TMEM164: variants seen among roughly 807,000 people sequenced by gnomAD.
TMEM164 encodes the protein transmembrane protein 164, also known as RP13-360B22.2.
TMEM164 carries 4 observed loss-of-function variants against 18.8 expected under a neutral mutation model. The observed-to-expected ratio is 0.21, with a 90% CI of 0.10 to 0.49. The LOEUF (loss-of-function observed/expected upper bound fraction) is 0.49. Among genes scored for constraint, TMEM164 ranks in the 20% least tolerant of loss-of-function variants. The pLI is 0.98. For synonymous variants in TMEM164, 86 were observed against 101.7 expected (o/e 0.85, Z 0.93); for missense variants, 108 against 239.9 (o/e 0.45, Z 3.63).
chrX:110,024,953 G>A (rs750463441), intron 2 of TMEM164, among the ~76,000 whole-genome samples: 1 of 109,575 alleles, frequency 9.1e-6, no homozygotes, highest in South Asian at 3.9e-4. Flanking sequence ...TAGAATGGTA[G>A]GCTTGATCTT....
At chrX:110,071,102 A>G (rs1273243221) in intron 3 of TMEM164, among the ~76,000 whole-genome samples, 5 of 110,955 alleles carry the variant, frequency 4.5e-5, no homozygotes, top group African/African-American at 1.6e-4. Flanking sequence ...GTGTTTGTTA[A>G]TAGTCTATTA....
intron 3 of TMEM164, among the ~76,000 whole-genome samples, chrX:110,099,085 A>C (rs1263565326): frequency 9.2e-6 from 1 of 108,464 alleles, no homozygotes; most frequent in Non-Finnish European, 1.9e-5. Context: ...GGCGTGAGCC[A>C]CCGCTCCTGG....
chrX:110,144,515 G>C (rs1193460237), intron 4 of TMEM164, among the ~76,000 whole-genome samples: 1 of 111,486 alleles, frequency 9.0e-6, no homozygotes, highest in Non-Finnish European at 1.9e-5. Context: ...CCACCAAGGG[G>C]ATATATTATA....
intron 2 of TMEM164, among the ~76,000 whole-genome samples, chrX:110,033,066 C>T (rs781271710): frequency 3.4e-4 from 38 of 111,987 alleles, no homozygotes; most frequent in Non-Finnish European, 6.6e-4. Flanking sequence ...ATTGTTGGCA[C>T]GGGTTTATGT....
At chrX:110,137,562 A>C (rs2066708457) in intron 4 of TMEM164, among the ~76,000 whole-genome samples, 1 of 112,132 alleles carries the variant, frequency 8.9e-6, no homozygotes, top group Admixed American at 9.5e-5. Flanking sequence ...CAAACCCTGC[A>C]CACAACCACC....
intron 5 of TMEM164, among the ~76,000 whole-genome samples, chrX:110,159,375 C>A (rs1002643390): frequency 1.8e-5 from 2 of 110,506 alleles, no homozygotes; most frequent in African/African-American, 6.6e-5. Context: ...TAGGGGCATG[C>A]GCATAGTAGG....
chrX:110,163,823 G>C (rs930698835), intron 5 of TMEM164, among the ~76,000 whole-genome samples: 1 of 111,965 alleles, frequency 8.9e-6, no homozygotes. Context: ...CTAGGACACA[G>C]GGCAGTTCAT....
At chrX:110,166,364 A>G in intron 5 of TMEM164, among the ~76,000 whole-genome samples, 1 of 112,421 alleles carries the variant, frequency 8.9e-6, no homozygotes, top group East Asian at 2.8e-4. Flanking sequence ...AAGAGTGGGG[A>G]CCACCATCTT....
intron 3 of TMEM164, among the ~76,000 whole-genome samples, chrX:110,093,620 A>G: frequency 9.0e-6 from 1 of 110,802 alleles, no homozygotes; most frequent in South Asian, 3.8e-4. Context: ...AATTTTGTTG[A>G]TCTTTTCAGA....
intron 2 of TMEM164, among the ~76,000 whole-genome samples, chrX:110,009,460 G>T (rs1205709181): frequency 9.5e-6 from 1 of 105,280 alleles, no homozygotes; most frequent in Non-Finnish European, 2.0e-5. Flanking sequence ...TTGTTTGTTT[G>T]TTTTTTGTTT....
intron 5 of TMEM164, among the ~76,000 whole-genome samples, chrX:110,167,337 C>T (rs915176340): frequency 1.8e-4 from 20 of 112,579 alleles, no homozygotes; most frequent in African/African-American, 6.1e-4. Context: ...ATGATTCAAA[C>T]CCAAGGCTAC....
chrX:110,004,134 C>T lies in TMEM164; in HGVS notation c.360C>T (p.Leu120=), dbSNP rs752989031. 1 of 1,201,426 alleles carries T rather than the reference C, an allele frequency of 8.3e-7. No individual in the cohort carries two copies. The highest frequency in any genetic ancestry group is 1.1e-6 in the Non-Finnish European group (1 of 892,605). The change falls in exon 2 of 7, where the codon CTC becomes CTT. Residue 120 remains leucine (L), a synonymous_variant. Coordinates refer to ENST00000372068, the MANE Select transcript of TMEM164 (RefSeq NM_032227.4). ...KFATKTVIYL[L]NPCHLVTMMH... Reference sequence around the variant, plus strand: ...CCACCAAGACCGTCATCTACCTGCTCAACCCCTGTCACCTGGTCACCATGA... The same window carrying T: ...CCACCAAGACCGTCATCTACCTGCTTAACCCCTGTCACCTGGTCACCATGA...
chrX:110,164,787 C>T (rs938406041), intron 5 of TMEM164, among the ~76,000 whole-genome samples: 4 of 111,081 alleles, frequency 3.6e-5, no homozygotes, highest in Admixed American at 9.5e-5. Context: ...GAGGGCCACT[C>T]GTCTAGGACT....
At chrX:110,124,692 T>C (rs1457014863) in intron 4 of TMEM164, among the ~76,000 whole-genome samples, 1 of 111,589 alleles carries the variant, frequency 9.0e-6, no homozygotes, top group Non-Finnish European at 1.9e-5. Context: ...AATTTTATAT[T>C]GTAGAAAATT....
intron 5 of TMEM164, among the ~76,000 whole-genome samples, chrX:110,152,240 G>C (rs148711604): frequency 0.05 from 5,471 of 108,915 alleles, 360 homozygotes; most frequent in African/African-American, 0.17. Context: ...ATTTTTAGTA[G>C]AGACGGGGTT....
intron 4 of TMEM164, among the ~76,000 whole-genome samples, chrX:110,129,767 C>T (rs1255642103): frequency 9.0e-6 from 1 of 111,652 alleles, no homozygotes; most frequent in African/African-American, 3.3e-5. Context: ...TCAGTGCTCT[C>T]CTGAAATATC....
chrX:110,128,608 A>G (rs2066568638), intron 4 of TMEM164, among the ~76,000 whole-genome samples: 1 of 111,574 alleles, frequency 9.0e-6, no homozygotes, highest in African/African-American at 3.3e-5. Context: ...AGCTGTTATA[A>G]CTTCAAACTC....
intron 2 of TMEM164, among the ~76,000 whole-genome samples, chrX:110,038,854 C>CG (rs1294076802): frequency 3.8e-4 from 14 of 37,082 alleles, no homozygotes; most frequent in African/African-American, 1.2e-3. Flanking sequence ...TACCATGGGG[C>CG]GGGGGGGAAG....
intron 4 of TMEM164, among the ~76,000 whole-genome samples, chrX:110,144,132 G>T (rs978693054): frequency 9.0e-6 from 1 of 111,463 alleles, no homozygotes; most frequent in African/African-American, 3.3e-5. Flanking sequence ...CCAGAAGCTT[G>T]GTCTAAACTC....
Sources: allele counts gnomAD v4.1 joint callset (sites outside exome capture counted in the v4.1 genomes callset), GRCh38; gene constraint gnomAD v4.1.1; transcripts MANE v1.5; gene names NCBI Gene and HGNC (gene_info 2026-07-23, HGNC 2026-07-21).